The following NTM variants were observed in gnomAD, a reference collection of about 807,000 sequenced individuals.
The protein encoded by NTM is neurotrimin, also known as IgLON family member 2.
Under a neutral mutation model 42.1 loss-of-function variants are expected in NTM, and 13 were observed. The ratio of observed to expected loss-of-function variants is 0.31; its 90% confidence interval spans 0.20 to 0.49. The LOEUF is 0.49. Ranked by LOEUF, NTM falls within the 20% of genes least tolerant of loss-of-function variation. NTM has a pLI of 0.99. For missense variants in NTM, 373 were observed against 452.8 expected, an observed-to-expected ratio of 0.82 and a Z score of 1.60; for synonymous variants, 187 against 179.2, an observed-to-expected ratio of 1.04 and a Z score of -0.35.
At chr11:131,813,215 TC>T (rs2092810999) in intron 1 of NTM, among the ~76,000 whole-genome samples, 1 of 152,212 alleles carries the variant, frequency 6.6e-6, no homozygotes, top group African/African-American at 2.4e-5. Context: ...ATGTATTTTT[TC>T]AGTAACCAGA....
At chr11:131,449,375 G>C (rs562295803) in intron 1 of NTM, among the ~76,000 whole-genome samples, 1 of 152,306 alleles carries the variant, frequency 6.6e-6, no homozygotes, top group East Asian at 1.9e-4. Flanking sequence ...AGGCAAGGAG[G>C]GGACCCTGGA....
chr11:132,041,084 T>C (rs2077114808), intron 2 of NTM, among the ~76,000 whole-genome samples: 1 of 152,228 alleles, frequency 6.6e-6, no homozygotes, highest in East Asian at 1.9e-4. Flanking sequence ...TACCCCACAT[T>C]TAAAAAGAAC....
intron 1 of NTM, among the ~76,000 whole-genome samples, chr11:131,900,963 G>A (rs1243054557): frequency 1.3e-5 from 2 of 152,118 alleles, no homozygotes; most frequent in East Asian, 3.9e-4. Flanking sequence ...GCAATCTATA[G>A]TATCATGCTC....
chr11:131,428,669 C>T (rs905798641), intron 1 of NTM, among the ~76,000 whole-genome samples: 1 of 152,120 alleles, frequency 6.6e-6, no homozygotes, highest in African/African-American at 2.4e-5. Flanking sequence ...ATCATTTCAA[C>T]CTCTTAGCAC....
At chr11:132,279,003 T>C (rs2093857162) in intron 4 of NTM, among the ~76,000 whole-genome samples, 1 of 152,150 alleles carries the variant, frequency 6.6e-6, no homozygotes, top group South Asian at 2.1e-4. Context: ...TTGAATATCT[T>C]ACAGTCACAT....
chr11:131,542,130 C>T (rs1259484661), intron 1 of NTM, among the ~76,000 whole-genome samples: 1 of 152,104 alleles, frequency 6.6e-6, no homozygotes, highest in Admixed American at 6.5e-5. Context: ...AATGATTGTC[C>T]ATTCTATTTC....
At chr11:132,038,606 T>C (rs1197384708) in intron 2 of NTM, among the ~76,000 whole-genome samples, 1 of 152,196 alleles carries the variant, frequency 6.6e-6, no homozygotes, top group African/African-American at 2.4e-5. Context: ...GTTTAGCACA[T>C]TGGATCCGTG....
intron 1 of NTM, among the ~76,000 whole-genome samples, chr11:131,851,132 T>C (rs2045485383): frequency 6.6e-6 from 1 of 152,304 alleles, no homozygotes; most frequent in East Asian, 1.9e-4. Flanking sequence ...GAGAGTATTA[T>C]GAGTTCAGGT....
chr11:132,242,974 A>T (rs1224472457), intron 4 of NTM, among the ~76,000 whole-genome samples: 1 of 152,208 alleles, frequency 6.6e-6, no homozygotes. Context: ...TTTCCCAGCA[A>T]TAAGACTTCA....
At chr11:132,070,061 C>A (rs1174605643) in intron 2 of NTM, among the ~76,000 whole-genome samples, 5 of 145,806 alleles carry the variant, frequency 3.4e-5, no homozygotes, top group African/African-American at 1.0e-4. Flanking sequence ...TAACACGTCA[C>A]ACAGCCAAGT....
intron 1 of NTM, among the ~76,000 whole-genome samples, chr11:131,860,751 C>T (rs181173607): frequency 1.4e-4 from 22 of 152,318 alleles, no homozygotes; most frequent in African/African-American, 4.6e-4. Flanking sequence ...TCACCACCCC[C>T]TGAATTCTTA....
At chr11:132,196,610 G>A (rs759857228) in intron 3 of NTM, among the ~76,000 whole-genome samples, 11 of 152,126 alleles carry the variant, frequency 7.2e-5, no homozygotes, top group Admixed American at 2.6e-4. Flanking sequence ...CTACACATCC[G>A]TAAAACAAAT....
At chr11:131,915,728 A>C (rs2056221146) in intron 2 of NTM, among the ~76,000 whole-genome samples, 1 of 152,160 alleles carries the variant, frequency 6.6e-6, no homozygotes, top group Non-Finnish European at 1.5e-5. Flanking sequence ...CAGAAGGCAA[A>C]AGGCACATTT....
chr11:131,963,070 C>A, intron 2 of NTM, among the ~76,000 whole-genome samples: 1 of 152,246 alleles, frequency 6.6e-6, no homozygotes, highest in African/African-American at 2.4e-5. Context: ...TGTCAGCATC[C>A]CATTCTCATC....
chr11:131,648,833 C>T (rs1316418575), intron 1 of NTM, among the ~76,000 whole-genome samples: 3 of 152,170 alleles, frequency 2.0e-5, no homozygotes, highest in Admixed American at 6.5e-5. Context: ...TAGAATCTAT[C>T]ATATATTGCA....
intron 1 of NTM, among the ~76,000 whole-genome samples, chr11:131,586,913 A>C (rs2058917013): frequency 6.6e-6 from 1 of 152,132 alleles, no homozygotes; most frequent in South Asian, 2.1e-4. Flanking sequence ...GAGCAACTTC[A>C]GCTATTGAAA....
intron 3 of NTM, among the ~76,000 whole-genome samples, chr11:132,167,768 T>C (rs1477458561): frequency 2.0e-5 from 3 of 152,198 alleles, no homozygotes; most frequent in Non-Finnish European, 4.4e-5. Flanking sequence ...TGGATATGTG[T>C]AACCCTCTCA....
intron 1 of NTM, among the ~76,000 whole-genome samples, chr11:131,470,664 A>G (rs1256251362): frequency 6.6e-6 from 1 of 152,172 alleles, no homozygotes; most frequent in East Asian, 1.9e-4. Context: ...CTCCTCTGGG[A>G]GCCAGCTTTG....
At chr11:131,386,199 A>C (rs933581729) in intron 1 of NTM, among the ~76,000 whole-genome samples, 3 of 152,232 alleles carry the variant, frequency 2.0e-5, no homozygotes, top group African/African-American at 7.2e-5. Context: ...CATTATGCTA[A>C]GTGAAATGAG....
Sources: allele counts gnomAD v4.1 joint callset (sites outside exome capture counted in the v4.1 genomes callset), GRCh38; gene constraint gnomAD v4.1.1; transcripts MANE v1.5; gene names NCBI Gene and HGNC (gene_info 2026-07-23, HGNC 2026-07-21).